The following THSD7B variants were observed in gnomAD, a reference collection of about 807,000 sequenced individuals.
THSD7B encodes the protein thrombospondin type 1 domain containing 7B.
In THSD7B, 138 loss-of-function variants were observed where a neutral mutation model predicts 213.6. That is an observed-to-expected ratio of 0.65 (90% confidence interval 0.56 to 0.74). THSD7B has a LOEUF of 0.74. Among genes scored for constraint, THSD7B ranks in the 30% least tolerant of loss-of-function variants. The probability of loss-of-function intolerance (pLI) is 0.00; values close to 1 mark genes in which losing one functional copy is unlikely to be tolerated. For synonymous variants in THSD7B, 742 were observed against 687.0 expected (o/e 1.08, Z -1.25); for missense variants, 1,931 against 1,991.5 (o/e 0.97, Z 0.58).
chr2:137,482,999 A>G (rs556852551), intron 15 of THSD7B, among the ~76,000 whole-genome samples: 12 of 151,932 alleles, frequency 7.9e-5, no homozygotes, highest in African/African-American at 2.9e-4. Context: ...GTGAGACATT[A>G]CTAAGTGATA....
At chr2:137,618,912 A>T (rs1427728411) in intron 19 of THSD7B, among the ~76,000 whole-genome samples, 1 of 152,220 alleles carries the variant, frequency 6.6e-6, no homozygotes, top group East Asian at 1.9e-4. Flanking sequence ...TTGCCATTAC[A>T]GAATCATGTC....
intron 15 of THSD7B, among the ~76,000 whole-genome samples, chr2:137,551,255 A>C (rs1680842494): frequency 6.6e-6 from 1 of 152,098 alleles, no homozygotes; most frequent in African/African-American, 2.4e-5. Flanking sequence ...ATGTAAAGGC[A>C]GCAGTTCCCT....
chr2:137,229,270 G>A (rs1327649876), intron 7 of THSD7B, among the ~76,000 whole-genome samples: 1 of 152,118 alleles, frequency 6.6e-6, no homozygotes, highest in Non-Finnish European at 1.5e-5. Flanking sequence ...TCACAAGTGT[G>A]GAAATTAAAT....
At chr2:137,499,887 C>T (rs2105134230) in intron 15 of THSD7B, among the ~76,000 whole-genome samples, 1 of 152,158 alleles carries the variant, frequency 6.6e-6, no homozygotes. Flanking sequence ...GCAATACAGT[C>T]TAATCTGGAA....
chr2:137,313,918 TTCTC>T lies in THSD7B; in HGVS notation c.2500+37896_2500+37899del, dbSNP rs565737588. On this transcript the variant is annotated intron_variant, in intron 12 of 27. Coordinates refer to ENST00000409968, the MANE Select transcript of THSD7B (RefSeq NM_001316349.2). ...CTTCCCTTTGAGCGTAACCCGACCTTTCTCTCTGGCTGCCCTTAACATTTTTTGC... is the reference window on the plus strand; with the variant it reads ...CTTCCCTTTGAGCGTAACCCGACCTTTCTGGCTGCCCTTAACATTTTTTGC... 4.0e-3 allele frequency among the ~76,000 whole-genome samples: 603 copies of T among 152,282 alleles called. 3 individuals carry two copies. Among genetic ancestry groups the T allele is most frequent in the African/African-American group, 0.014 (583 of 41,546 alleles).
chr2:136,899,391 A>G (rs112828718), intron 2 of THSD7B, among the ~76,000 whole-genome samples: 3 of 152,250 alleles, frequency 2.0e-5, no homozygotes, highest in African/African-American at 7.2e-5. Flanking sequence ...CTTAAATGTG[A>G]TTTTAAAATT....
At chr2:137,389,268 G>A (rs1468466106) in intron 12 of THSD7B, among the ~76,000 whole-genome samples, 1 of 144,560 alleles carries the variant, frequency 6.9e-6, no homozygotes, top group Non-Finnish European at 1.5e-5. Context: ...ACTAGCATAA[G>A]ATGATATCTC....
intron 12 of THSD7B, among the ~76,000 whole-genome samples, chr2:137,365,848 G>C (rs971667142): frequency 6.6e-6 from 1 of 152,252 alleles, no homozygotes; most frequent in Non-Finnish European, 1.5e-5. Flanking sequence ...CCTCAGGGAT[G>C]TAGAACTGGA....
At chr2:137,384,651 C>T (rs1458880584) in intron 12 of THSD7B, among the ~76,000 whole-genome samples, 1 of 152,168 alleles carries the variant, frequency 6.6e-6, no homozygotes, top group Non-Finnish European at 1.5e-5. Flanking sequence ...AGGGGCCCCA[C>T]TCCAAACATG....
At chr2:136,980,450 T>G (rs1412221468) in intron 2 of THSD7B, among the ~76,000 whole-genome samples, 8 of 152,158 alleles carry the variant, frequency 5.3e-5, no homozygotes, top group African/African-American at 1.9e-4. Context: ...CTGGAGTTGC[T>G]GAAATTCCTG....
intron 17 of THSD7B, among the ~76,000 whole-genome samples, chr2:137,589,568 G>A (rs939144411): frequency 6.6e-5 from 10 of 152,016 alleles, no homozygotes; most frequent in East Asian, 1.9e-4. Context: ...GCATAGAGGC[G>A]GTATAGTGTT....
chr2:136,783,452 C>T (rs1315047860), intron 1 of THSD7B, among the ~76,000 whole-genome samples: 2 of 151,952 alleles, frequency 1.3e-5, no homozygotes, highest in African/African-American at 4.8e-5. Context: ...AATTGAAATA[C>T]AAACAGAAGA....
chr2:136,921,219 CAAAA>C (rs778515013), intron 2 of THSD7B, among the ~76,000 whole-genome samples: 5 of 96,542 alleles, frequency 5.2e-5, no homozygotes, highest in African/African-American at 1.5e-4. Context: ...TCTGGACACT[CAAAA>C]AAAAAAAAAA....
intron 3 of THSD7B, among the ~76,000 whole-genome samples, chr2:137,082,751 C>T (rs1464878849): frequency 6.6e-6 from 1 of 151,992 alleles, no homozygotes; most frequent in Non-Finnish European, 1.5e-5. Context: ...AACTATGTAC[C>T]TACATATCAT....
rs545497144 is a variant in THSD7B, at chr2:136,945,428, G to A, written c.139+63111G>A. Among the ~76,000 whole-genome samples the A allele has an allele frequency of 8.2e-4, 125 of 152,292 alleles. 1 individual carries two copies. Among genetic ancestry groups the A allele is most frequent in the South Asian group, 1.4e-3 (7 of 4,830 alleles). On this transcript the variant is annotated intron_variant, in intron 2 of 27. Transcript: ENST00000409968. ...TTTTTTCCTTGATTTCAACCTTGGT[G>A]AATCTGACAATTATGTGTCTTTGGG... is the stretch of plus-strand genomic sequence containing the variant.
intron 14 of THSD7B, among the ~76,000 whole-genome samples, chr2:137,426,796 G>A (rs1458016797): frequency 6.6e-6 from 1 of 151,940 alleles, no homozygotes; most frequent in Non-Finnish European, 1.5e-5. Flanking sequence ...ACAAAAATAA[G>A]TGACCACATA....
intron 12 of THSD7B, among the ~76,000 whole-genome samples, chr2:137,296,205 A>G (rs1481490985): frequency 1.3e-5 from 2 of 152,122 alleles, no homozygotes; most frequent in African/African-American, 4.8e-5. Flanking sequence ...AATTCATGTT[A>G]TATGTGGTTT....
At chr2:137,229,910 G>A (rs916055633) in intron 7 of THSD7B, among the ~76,000 whole-genome samples, 1 of 152,030 alleles carries the variant, frequency 6.6e-6, no homozygotes, top group Non-Finnish European at 1.5e-5. Flanking sequence ...AGTCCCCTTC[G>A]CGTTTATTTT....
Position 137,056,674 on chromosome 2 carries a change from G to A in THSD7B, c.394G>A (p.Val132Met), listed in dbSNP as rs1481451673. Residue 132 changes from valine (V) to methionine (M), a missense_variant, in exon 3 of 28, where the codon GTG (valine) becomes ATG (methionine). Transcript: ENST00000409968. ...GEVKPRTAEC[V>M]TAQHGLQHRM... The stretch of plus-strand genomic sequence containing the variant: ...AGTCAAGCCTCGGACTGCAGAGTGT[G>A]TGACGGCTCAGCATGGACTGCAGCA... 6.2e-7 allele frequency: 1 copy of A among 1,614,000 alleles called. No homozygotes were observed. Among genetic ancestry groups the A allele is most frequent in the East Asian group, 2.2e-5 (1 of 44,870 alleles).
Sources: gnomAD v4.1 joint callset for allele counts (sites outside exome capture counted in the v4.1 genomes callset) on GRCh38, gnomAD v4.1.1 for gene constraint, MANE v1.5 for transcripts, NCBI Gene and HGNC (gene_info 2026-07-23, HGNC 2026-07-21) for gene names.